HEATR1: variants seen among roughly 807,000 people sequenced by gnomAD.
HEATR1 encodes HEAT repeat-containing protein 1.
A neutral mutation model predicts 248.2 loss-of-function variants in HEATR1; 77 were observed. That is an observed-to-expected ratio of 0.31 (90% CI 0.26 to 0.37). The LOEUF (loss-of-function observed/expected upper bound fraction) is 0.37. Among genes scored for constraint, HEATR1 ranks in the 10% least tolerant of loss-of-function variants. The pLI, the probability that HEATR1 is intolerant of heterozygous loss-of-function variation, is 1.00. For synonymous variants in HEATR1, 897 were observed against 923.1 expected (o/e 0.97, Z 0.51); for missense variants, 2,420 against 2,504.9 (o/e 0.97, Z 0.72).
intron 41 of HEATR1, 85 bp from the exon 42 acceptor site, chr1:236,554,837 A>G: frequency 8.3e-7 from 1 of 1,204,206 alleles, no homozygotes; most frequent in Non-Finnish European, 1.2e-6. Flanking sequence ...CACTATTAAA[A>G]TAACTAAATC....
In HEATR1 at chr1:236,571,575, T is replaced by C. The variant is rs748001309; in HGVS notation, c.3819A>G (p.Ile1273Met). 4.3e-6 allele frequency: 7 copies of C among 1,613,564 alleles called. No homozygotes were observed. The part of the protein sequence containing the change: ...CQKLSPDGGK[I>M]PKDILDEEKF... ...CTTCCAAAAAGTACCTACCTTTGGG[T>C]ATTTTGCCACCATCTGGAGATAGTT... is the stretch of plus-strand genomic sequence containing the variant. Residue 1273 changes from isoleucine to methionine, a missense_variant, in exon 27 of 45, where the codon ATA (isoleucine) becomes ATG (methionine). Coordinates refer to ENST00000366582, the MANE Select transcript of HEATR1 (RefSeq NM_018072.6).
chr1:236,574,687 T>C lies in HEATR1; in HGVS notation c.3301A>G (p.Thr1101Ala), dbSNP rs767731232. 1.5e-5 allele frequency: 25 copies of C among 1,613,788 alleles called. No homozygotes were observed. Among genetic ancestry groups the C allele is most frequent in the Middle Eastern group, 3.3e-4 (2 of 6,084 alleles). Residue 1101 changes from threonine to alanine, a missense_variant, in exon 23 of 45, where the codon ACC (threonine) becomes GCC (alanine). Thr to Ala is a moderately conservative substitution (Grantham distance 58). Coordinates refer to ENST00000366582, the MANE Select transcript of HEATR1 (RefSeq NM_018072.6). ...TTTTCAAGGGCTGTGATCTGAATGG[T>C]TGGCATTCCCGCGTAAAGTTCCTTT... ...TTKELYAGMPTIQITALEKIT... is the reference protein window; with the variant it reads ...TTKELYAGMPAIQITALEKIT...
rs764725688 is a variant in HEATR1, at chr1:236,585,183, ACTC to A, written c.2080_2082del (p.Glu694del). 9 of 1,611,806 alleles carry A rather than the reference ACTC, an allele frequency of 5.6e-6. No homozygotes were observed. Among genetic ancestry groups the A allele is most frequent in the African/African-American group, 1.3e-5 (1 of 74,784 alleles). On this transcript the variant is annotated inframe_deletion, in exon 17 of 45. Transcript: ENST00000366582. ...GTTACTTTCTGCTTCAGGTTAAAGG[ACTC>A]CTCCTCACCCACGCTTATTAAATCC...
chr1:236,592,174 C>T (rs1664055594), intron 10 of HEATR1, 64 bp from the exon 11 acceptor site: 1 of 822,328 alleles, frequency 1.2e-6, no homozygotes, highest in South Asian at 1.9e-5. Context: ...ATACACCATA[C>T]ACATATAAAG....
Position 236,576,282 on chromosome 1 carries a change from C to T in HEATR1, c.3021G>A (p.Val1007=), listed in dbSNP as rs757032464. 1 of 1,611,824 alleles carries T rather than the reference C, an allele frequency of 6.2e-7. No individual in the cohort carries two copies. Among genetic ancestry groups the T allele is most frequent in the Non-Finnish European group, 8.5e-7 (1 of 1,179,046 alleles). Residue 1007 remains valine (V), a synonymous_variant, in exon 22 of 45, where the codon GTG becomes GTA. Transcript: ENST00000366582. ...TTGCTATATAAGATGGGCAACTATA[C>T]ACACAACTAAGTAAGTTTTTCAAAG... is the stretch of plus-strand genomic sequence containing the variant. The part of the protein sequence containing the change: ...SETLKNLLSC[V]YSCPSYIAKD...
At chr1:236,572,309 ACTAT>A in intron 26 of HEATR1, 98 bp downstream of exon 26, 1 of 1,287,030 alleles carries the variant, frequency 7.8e-7, no homozygotes, top group South Asian at 1.4e-5. Flanking sequence ...TATTTTACAG[ACTAT>A]CTAAACAAGA....
intron 43 of HEATR1, chr1:236,552,673 A>G (rs1662806357): frequency 6.6e-6 from 1 of 152,282 alleles, no homozygotes; most frequent in Non-Finnish European, 1.5e-5. Context: ...TGCCTTGTCT[A>G]TAATAAGGAA....
At chr1:236,577,202 T>C (rs1203695063) in intron 20 of HEATR1, among the ~76,000 whole-genome samples, 1 of 152,166 alleles carries the variant, frequency 6.6e-6, no homozygotes, top group African/African-American at 2.4e-5. Context: ...AGCTGGACAT[T>C]GCGCAATGGT....
In HEATR1 at chr1:236,574,705, G is replaced by A. The variant is rs1375870736; in HGVS notation, c.3283C>T (p.Leu1095Phe). 6.2e-7 allele frequency: 1 copy of A among 1,613,850 alleles called. No homozygotes were observed. The highest frequency in any genetic ancestry group is 2.2e-5 in the East Asian group (1 of 44,876). Reference protein sequence around the residue: ...FIKAVHTTKELYAGMPTIQIT... With the variant: ...FIKAVHTTKEFYAGMPTIQIT... Reference sequence around the variant, plus strand: ...TGAATGGTTGGCATTCCCGCGTAAAGTTCCTTTGTTGTGTGCACAGCTTTT... The same window carrying A: ...TGAATGGTTGGCATTCCCGCGTAAAATTCCTTTGTTGTGTGCACAGCTTTT... Residue 1095 changes from leucine to phenylalanine, a missense_variant, in exon 23 of 45, where the codon CTT (leucine) becomes TTT (phenylalanine). By Grantham distance (22) the Leu-to-Phe change is conservative (BLOSUM62 0). Transcript: ENST00000366582.
rs1361851593 is a variant in HEATR1, at chr1:236,572,726, TCTG to T, written c.3559_3561del (p.Gln1187del). ...GCTCAATGCATTTGTAGCTCTTACT[TCTG>T]CTGCATTTTTTGCCTTCTTTTTTGC... On this transcript the variant is annotated inframe_deletion and splice_region_variant, in exon 25 of 45. Transcript: ENST00000366582. 6.2e-7 allele frequency: 1 copy of T among 1,613,472 alleles called. No individual in the cohort carries two copies. The highest frequency in any genetic ancestry group is 8.5e-7 in the Non-Finnish European group (1 of 1,179,494).
intron 22 of HEATR1, among the ~76,000 whole-genome samples, chr1:236,575,292 T>C (rs115088882): frequency 1.6e-3 from 244 of 152,374 alleles, no homozygotes; most frequent in Non-Finnish European, 2.8e-3. Flanking sequence ...AAATTATGTA[T>C]GTAAATCTTT....
Position 236,586,413 on chromosome 1 carries a change from TTTAA to T in HEATR1, c.1751_1754del (p.Ile584LysfsTer5). 1.2e-6 allele frequency: 2 copies of T among 1,613,212 alleles called. No individual in the cohort carries two copies. The highest frequency in any genetic ancestry group is 1.7e-6 in the Non-Finnish European group (2 of 1,179,316). ...GATCATTTTCACTCAGTATCTCTTCTTTAATTAATATGTCAGCGGCTATCTTAAG... is the reference window on the plus strand; with the variant it reads ...GATCATTTTCACTCAGTATCTCTTCTTTAATATGTCAGCGGCTATCTTAAG... On this transcript the variant is annotated frameshift_variant, in exon 15 of 45. Transcript: ENST00000366582. LOFTEE classifies it high-confidence loss of function.
intron 20 of HEATR1, 149 bp from the exon 21 acceptor site, chr1:236,577,098 A>G: frequency 6.4e-6 from 4 of 629,622 alleles, no homozygotes; most frequent in Non-Finnish European, 1.1e-5. Context: ...AATATTCCAG[A>G]GAAAGGTTAG....
In HEATR1 at chr1:236,556,195, T is replaced by A; in HGVS notation, c.5419A>T (p.Thr1807Ser). 4 of 1,613,852 alleles carry A rather than the reference T, an allele frequency of 2.5e-6. No homozygotes were observed. Among genetic ancestry groups the A allele is most frequent in the Non-Finnish European group, 3.4e-6 (4 of 1,179,826 alleles). Residue 1807 changes from threonine to serine, a missense_variant, in exon 38 of 45, where the codon ACA becomes TCA. Coordinates refer to ENST00000366582, the MANE Select transcript of HEATR1 (RefSeq NM_018072.6). ...GSASQANIRL[T>S]SLKKTLATTL... ...GTAGCCAGTGTCTTTTTAAGAGATG[T>A]GAGACGGATATTAGCCTGTGACGCA...
At chr1:236,604,384 C>G (rs1399242973) in intron 1 of HEATR1, 38 bp downstream of exon 1, 1 of 297,894 alleles carries the variant, frequency 3.4e-6, no homozygotes, top group African/African-American at 2.2e-5. Context: ...TATGCCGCCC[C>G]CATCCGCAGC....
intron 19 of HEATR1, among the ~76,000 whole-genome samples, chr1:236,581,865 A>G (rs1438340511): frequency 6.6e-6 from 1 of 152,162 alleles, no homozygotes; most frequent in East Asian, 1.9e-4. Context: ...CAGTATTCAC[A>G]TTTTTAAATG....
chr1:236,559,731 A>G lies in HEATR1; in HGVS notation c.4753T>C (p.Tyr1585His), dbSNP rs1478251909. Residue 1585 changes from tyrosine to histidine, a missense_variant, in exon 34 of 45, where the codon TAC becomes CAC. By Grantham distance (83) the Tyr-to-His change is moderately conservative. Transcript: ENST00000366582. ...ACACCTACCTTATCTAACAGGTCGT[A>G]AGCTTTACTAAGGAGCGCGCGCCAG... ...KFWRALLSKA[Y>H]DLLDKVNALL... The G allele has an allele frequency of 3.1e-6, 5 of 1,613,400 alleles. No homozygotes were observed. Among genetic ancestry groups the G allele is most frequent in the Admixed American group, 1.7e-5 (1 of 59,958 alleles).
chr1:236,587,316 T>TAA lies in HEATR1; in HGVS notation c.1715+84_1715+85dup, dbSNP rs927416077. 1.6e-3 allele frequency: 742 copies of TAA among 473,420 alleles called. 1 individual carries two copies. The East Asian group carries it at 0.018, about 11-fold the overall frequency. The allele number at this position is 473,420 out of a possible 1,614,324, so 29.3% of individuals were successfully genotyped here. ...CAAAAGGGTCATGTAATCAAAGCCT[T>TAA]AAAAAAAAAAAGAAGAAGAAATAGA... On this transcript the variant is annotated intron_variant, in intron 14 of 44. Transcript: ENST00000366582.
At chr1:236,581,565 A>G (rs1480361033) in intron 19 of HEATR1, 151 bp from the exon 20 acceptor site, 11 of 535,442 alleles carry the variant, frequency 2.1e-5, no homozygotes, top group Admixed American at 3.7e-5. Context: ...TCCATATTCC[A>G]TGTTTTAATG....
Sources: gnomAD v4.1 joint callset for allele counts (sites outside exome capture counted in the v4.1 genomes callset) on GRCh38, gnomAD v4.1.1 for gene constraint, MANE v1.5 for transcripts, NCBI Gene and HGNC (gene_info 2026-07-23, HGNC 2026-07-21) for gene names.